Variants in TMEM178B observed in about 807,000 individuals in gnomAD.
TMEM178B encodes transmembrane protein 178B.
In TMEM178B, 5 loss-of-function variants were observed where a neutral mutation model predicts 31.0. The observed-to-expected ratio is 0.16, with a 90% CI of 0.08 to 0.34. TMEM178B has a LOEUF of 0.34. Ranked by LOEUF, TMEM178B falls within the 10% of genes least tolerant of loss-of-function variation. The pLI is 1.00. For missense variants in TMEM178B, 275 were observed against 400.3 expected (o/e 0.69, Z 2.67); for synonymous variants, 164 against 164.0 (o/e 1.00, Z 0.00).
intron 2 of TMEM178B, among the ~76,000 whole-genome samples, chr7:141,291,926 A>AT (rs11306682): frequency 5.7e-4 from 79 of 138,166 alleles, no homozygotes; most frequent in South Asian, 3.9e-3. Flanking sequence ...CATAGAGATC[A>AT]TTTTTTTTTT....
At chr7:141,450,996 G>A (rs1039237097) in intron 3 of TMEM178B, among the ~76,000 whole-genome samples, 19 of 152,190 alleles carry the variant, frequency 1.2e-4, no homozygotes, top group Non-Finnish European at 2.8e-4. Context: ...TAAAGGGACA[G>A]GCCTCCAAAA....
intron 1 of TMEM178B, among the ~76,000 whole-genome samples, chr7:141,114,803 A>G (rs899289158): frequency 1.3e-5 from 2 of 152,238 alleles, no homozygotes; most frequent in East Asian, 3.8e-4. Flanking sequence ...AGGCTAAGGC[A>G]GGGGAATAAA....
intron 3 of TMEM178B, among the ~76,000 whole-genome samples, chr7:141,449,642 A>T (rs1326716746): frequency 6.6e-6 from 1 of 152,186 alleles, no homozygotes; most frequent in Non-Finnish European, 1.5e-5. Context: ...ATGTGCAGAC[A>T]GGAGGGAGGG....
At chr7:141,161,480 A>G (rs987980452) in intron 1 of TMEM178B, among the ~76,000 whole-genome samples, 8 of 152,182 alleles carry the variant, frequency 5.3e-5, no homozygotes, top group African/African-American at 1.9e-4. Context: ...TTGTGTGGCC[A>G]TTATTCTGTC....
chr7:141,297,927 G>T (rs1459617873), intron 2 of TMEM178B, among the ~76,000 whole-genome samples: 1 of 152,156 alleles, frequency 6.6e-6, no homozygotes, highest in Non-Finnish European at 1.5e-5. Context: ...TTGAGGAATC[G>T]CCACACTGTC....
At chr7:141,434,656 T>C (rs1801501054) in intron 2 of TMEM178B, among the ~76,000 whole-genome samples, 1 of 152,238 alleles carries the variant, frequency 6.6e-6, no homozygotes, top group Non-Finnish European at 1.5e-5. Context: ...TTTCCAGCTA[T>C]TTTGAAGTAC....
At chr7:141,260,401 A>G (rs1414633496) in intron 2 of TMEM178B, among the ~76,000 whole-genome samples, 3 of 110,476 alleles carry the variant, frequency 2.7e-5, no homozygotes, top group Non-Finnish European at 5.2e-5. Context: ...TCAATGTCCA[A>G]ACTTTTTATA....
At chr7:141,158,784 C>A (rs1037149810) in intron 1 of TMEM178B, among the ~76,000 whole-genome samples, 2 of 152,060 alleles carry the variant, frequency 1.3e-5, no homozygotes, top group Non-Finnish European at 1.5e-5. Context: ...GGTCTGACTT[C>A]CTGCCAGCCT....
downstream of TMEM178B, among the ~76,000 whole-genome samples, chr7:141,482,925 T>TG (rs1198670287): frequency 1.4e-3 from 18 of 13,162 alleles, no homozygotes; most frequent in South Asian, 2.7e-3. Context: ...CGGGGGGCGG[T>TG]GGGGGGGTGG....
rs972082064 is a variant in TMEM178B at position 141,437,515 on chromosome 7, A to C, written c.497-93A>C. On this transcript the variant is annotated intron_variant, in intron 2 of 3. Coordinates refer to ENST00000565468, the MANE Select transcript of TMEM178B (RefSeq NM_001195278.2). ...GTTGCCTTCCTGCTCCTGGAGGGCC[A>C]CTCCCTCTCTGCACCCACCCCAGGG... 8.8e-6 allele frequency: 13 copies of C among 1,475,782 alleles called. No homozygotes were observed. In the African/African-American group the frequency reaches 1.8e-4, roughly 21 times the overall value. 91.4% of individuals were successfully genotyped at this position (1,475,782 alleles called of 1,614,324 possible). A position where few individuals can be genotyped will look rare whatever the true frequency, so the allele number is the denominator to read the frequency against.
At chr7:141,505,205 T>C in the TMEM178B span, among the ~76,000 whole-genome samples, 18,613 of 152,226 alleles carry the variant, frequency 0.12, 3,530 homozygotes, top group African/African-American at 0.41. Flanking sequence ...ATAACCAAGT[T>C]ACCTCCCATT....
At chr7:141,349,353 G>A (rs1023836867) in intron 2 of TMEM178B, among the ~76,000 whole-genome samples, 4 of 152,142 alleles carry the variant, frequency 2.6e-5, no homozygotes, top group African/African-American at 4.8e-5. Context: ...AAAAATGACC[G>A]ATGGATCATC....
At chr7:141,149,981 G>C (rs983622679) in intron 1 of TMEM178B, among the ~76,000 whole-genome samples, 1 of 152,180 alleles carries the variant, frequency 6.6e-6, no homozygotes, top group Non-Finnish European at 1.5e-5. Context: ...GACAGGATTT[G>C]TTGATGGGTG....
intron 3 of TMEM178B, among the ~76,000 whole-genome samples, chr7:141,464,857 G>A (rs1279410820): frequency 1.3e-5 from 2 of 152,118 alleles, no homozygotes; most frequent in Non-Finnish European, 2.9e-5. Flanking sequence ...GGTTATGCCT[G>A]GCACTGCTTA....
chr7:141,386,973 C>A (rs1165906446), intron 2 of TMEM178B, among the ~76,000 whole-genome samples: 3 of 152,116 alleles, frequency 2.0e-5, no homozygotes, highest in Non-Finnish European at 4.4e-5. Context: ...AGAAAGAAGT[C>A]AAATTATTCT....
At chr7:141,238,266 T>C (rs1797561153) in intron 2 of TMEM178B, among the ~76,000 whole-genome samples, 1 of 151,902 alleles carries the variant, frequency 6.6e-6, no homozygotes. Context: ...CAAGTCCAGG[T>C]TGGAAAGGTC....
In TMEM178B at chr7:141,372,901, G is replaced by A. The variant is rs191849471; in HGVS notation, c.497-64707G>A. 7.2e-4 allele frequency among the ~76,000 whole-genome samples: 109 copies of A among 152,276 alleles called. 1 individual carries two copies. In the East Asian group the frequency reaches 0.018, roughly 25 times the overall value. On this transcript the variant is annotated intron_variant, in intron 2 of 3. Transcript: ENST00000565468. Reference sequence around the variant, plus strand: ...GGCTTGTGAGAAGACTGGAGGCAGCGGTGATGAGGAATGGGGTGGGGTGAT... The same window carrying A: ...GGCTTGTGAGAAGACTGGAGGCAGCAGTGATGAGGAATGGGGTGGGGTGAT...
chr7:141,263,111 A>G (rs929884381), intron 2 of TMEM178B, among the ~76,000 whole-genome samples: 25 of 152,086 alleles, frequency 1.6e-4, no homozygotes, highest in African/African-American at 6.0e-4. Flanking sequence ...TAGCAGCACA[A>G]TCTTGAAAAG....
chr7:141,074,232 C>A lies in TMEM178B; in HGVS notation c.-79C>A. 1 of 1,436,634 alleles carries A rather than the reference C, an allele frequency of 7.0e-7. No homozygotes were observed. Among genetic ancestry groups the A allele is most frequent in the Non-Finnish European group, 9.1e-7 (1 of 1,098,518 alleles). The allele number at this position is 1,436,634 out of a possible 1,614,324, so 89.0% of individuals were successfully genotyped here. On this transcript the variant is annotated 5_prime_UTR_variant, in exon 1 of 4. Transcript: ENST00000565468. The surrounding 1 kb of genome is among the most constrained non-coding windows in gnomAD (Gnocchi z 5.1). ...TGCCCCCTCCCCCAGCTCGGCCGCCCGCCGCTTTGTTCCGGGTGCGGCGAG... is the reference window on the plus strand; with the variant it reads ...TGCCCCCTCCCCCAGCTCGGCCGCCAGCCGCTTTGTTCCGGGTGCGGCGAG...
Sources: allele counts gnomAD v4.1 joint callset (sites outside exome capture counted in the v4.1 genomes callset), GRCh38; gene constraint gnomAD v4.1.1; non-coding constraint Gnocchi (gnomAD v3.1); transcripts MANE v1.5; gene names NCBI Gene and HGNC (gene_info 2026-07-23, HGNC 2026-07-21).